Variants in FRAT2 observed in about 807,000 individuals in gnomAD.
FRAT2 encodes GSK-3-binding protein FRAT2.
For synonymous variants in FRAT2, 205 were observed against 171.5 expected, an observed-to-expected ratio of 1.20 and a Z score of -1.53; for missense variants, 326 against 340.8, an observed-to-expected ratio of 0.96 and a Z score of 0.34.
At position 97,334,687 on chromosome 10, in the gene FRAT2, C is replaced by T. The variant is rs1360852321; in HGVS notation, c.-115G>A. On this transcript the variant is annotated 5_prime_UTR_variant, in exon 1 of 1. Transcript: ENST00000371019. ...GGGCGGACGCGGAAGCCGGAGCCCG[C>T]CAGGCACTCGAGCCACGCGCCTGCA... 8.2e-7 allele frequency: 1 copy of T among 1,215,226 alleles called. No individual in the cohort carries two copies. Among genetic ancestry groups the T allele is most frequent in the Non-Finnish European group, 1.0e-6 (1 of 954,778 alleles). 75.3% of individuals were successfully genotyped at this position (1,215,226 alleles called of 1,614,324 possible). A position where few individuals can be genotyped will look rare whatever the true frequency, so the allele number is the denominator to read the frequency against.
In FRAT2 at chr10:97,333,920, C is replaced by T. The variant is rs1843548905; in HGVS notation, c.653G>A (p.Arg218His). Residue 218 changes from arginine (R) to histidine (H), a missense_variant, in exon 1 of 1, where the codon CGC becomes CAC. By Grantham distance (29) the Arg-to-His change is conservative (BLOSUM62 0). Coordinates refer to ENST00000371019, the MANE Select transcript of FRAT2 (RefSeq NM_012083.3). Reference protein sequence around the residue: ...PASAPGPGGGRSGPDRIALQP... With the variant: ...PASAPGPGGGHSGPDRIALQP... ...CAGGGCAATGCGGTCAGGTCCGCTG[C>T]GGCCTCCCCCGGGCCCAGGGGCGCT... 5.1e-6 allele frequency: 8 copies of T among 1,569,732 alleles called. No homozygotes were observed. Among genetic ancestry groups the T allele is most frequent in the Middle Eastern group, 1.7e-4 (1 of 5,726 alleles).
rs1843537944 is a variant in FRAT2, at chr10:97,332,784, G to A, written c.*1087C>T. 6.6e-6 allele frequency: 1 copy of A among 151,928 alleles called. No homozygotes were observed. Among genetic ancestry groups the A allele is most frequent in the South Asian group, 2.1e-4 (1 of 4,770 alleles). 9.4% of individuals were successfully genotyped at this position (151,928 alleles called of 1,614,324 possible). A position where few individuals can be genotyped will look rare whatever the true frequency, so the allele number is the denominator to read the frequency against. On this transcript the variant is annotated 3_prime_UTR_variant, in exon 1 of 1. Transcript: ENST00000371019. ...AAAAGAAGGGCTGGCACGGGAGGAG[G>A]AAATAAATTGTGAGGGTGAGGAGCC...
At position 97,334,484 on chromosome 10, in the gene FRAT2, T is replaced by A; in HGVS notation, c.89A>T (p.Gln30Leu). 2.0e-6 allele frequency: 3 copies of A among 1,493,648 alleles called. No homozygotes were observed. The highest frequency in any genetic ancestry group is 2.7e-6 in the Non-Finnish European group (3 of 1,126,682). 92.5% of individuals were successfully genotyped at this position (1,493,648 alleles called of 1,614,324 possible). The change falls in exon 1 of 1, where the codon CAG becomes CTG. Residue 30 changes from glutamine to leucine, a missense_variant. Transcript: ENST00000371019. ...EEDDSFLLLQQSVTLGSSGEV... is the reference protein window; with the variant it reads ...EEDDSFLLLQLSVTLGSSGEV... ...GCCCGAGCTGCCCAGCGTCACCGAC[T>A]GCTGCAGCAGGAGGAAGCTGTCGTC...
In FRAT2 at chr10:97,333,859, A is replaced by T. The variant is rs1297618926; in HGVS notation, c.*12T>A. 6.7e-7 allele frequency: 1 copy of T among 1,490,998 alleles called. No homozygotes were observed. Among genetic ancestry groups the T allele is most frequent in the Non-Finnish European group, 8.9e-7 (1 of 1,123,234 alleles). 92.4% of individuals were successfully genotyped at this position (1,490,998 alleles called of 1,614,324 possible). On this transcript the variant is annotated 3_prime_UTR_variant, in exon 1 of 1. Transcript: ENST00000371019. ...CGCAGCGGCCTCCACTTCCTCCTCC[A>T]GGAGGCCTGCGTCAGAGCAAGGAGC... is the stretch of plus-strand genomic sequence containing the variant.
chr10:97,333,748 C>A lies in FRAT2; in HGVS notation c.*123G>T. 1 of 1,112,658 alleles carries A rather than the reference C, an allele frequency of 9.0e-7. No homozygotes were observed. Among genetic ancestry groups the A allele is most frequent in the Non-Finnish European group, 1.2e-6 (1 of 837,384 alleles). 68.9% of individuals were successfully genotyped at this position (1,112,658 alleles called of 1,614,324 possible). ...TCTGGTTGAGATCTCTCCCCACGCG[C>A]CTCCCCGCAGCCAAAGTGGTCGCTC... On this transcript the variant is annotated 3_prime_UTR_variant, in exon 1 of 1. Coordinates refer to ENST00000371019, the MANE Select transcript of FRAT2 (RefSeq NM_012083.3).
rs1336390931 is a variant in FRAT2, at chr10:97,332,917, T to A, written c.*954A>T. The A allele has an allele frequency of 6.6e-6, 1 of 152,178 alleles. No homozygotes were observed. The highest frequency in any genetic ancestry group is 1.5e-5 in the Non-Finnish European group (1 of 68,048). The allele number at this position is 152,178 out of a possible 1,614,324, so 9.4% of individuals were successfully genotyped here. On this transcript the variant is annotated 3_prime_UTR_variant, in exon 1 of 1. Transcript: ENST00000371019. Reference sequence around the variant, plus strand: ...ACCAGAAAGGGTGGAATAAGAAAGCTCAGCTGGGAGGACAAGAAAGAGACT... The same window carrying A: ...ACCAGAAAGGGTGGAATAAGAAAGCACAGCTGGGAGGACAAGAAAGAGACT...
At position 97,334,050 on chromosome 10, in the gene FRAT2, G is replaced by GGTC. The variant is rs1275897496; in HGVS notation, c.520_522dup (p.Asp174dup). 22 of 1,595,590 alleles carry GGTC rather than the reference G, an allele frequency of 1.4e-5. No homozygotes were observed. Among genetic ancestry groups the GGTC allele is most frequent in the Non-Finnish European group, 1.7e-5 (20 of 1,178,670 alleles). On this transcript the variant is annotated inframe_insertion, in exon 1 of 1. Transcript: ENST00000371019. ...ACGAGCTGCTGGAGGAGCCGATGCG[G>GGTC]GTCGTCGTCGCCGGCGCGTGCCCCG...
rs1352246864 is a variant in FRAT2 at position 97,333,514 on chromosome 10, C to A, written c.*357G>T. ...AGCCATCGCGATTCCTACCCCTGAG[C>A]CCTCCTTAAACAATCCAAGCTCACG... is the stretch of plus-strand genomic sequence containing the variant. On this transcript the variant is annotated 3_prime_UTR_variant, in exon 1 of 1. Coordinates refer to ENST00000371019, the MANE Select transcript of FRAT2 (RefSeq NM_012083.3). 3.8e-6 allele frequency: 1 copy of A among 265,150 alleles called. No individual in the cohort carries two copies. The highest frequency in any genetic ancestry group is 7.1e-6 in the Non-Finnish European group (1 of 140,976). 16.4% of individuals were successfully genotyped at this position (265,150 alleles called of 1,614,324 possible).
chr10:97,333,762 A>C lies in FRAT2; in HGVS notation c.*109T>G. 1 of 1,241,512 alleles carries C rather than the reference A, an allele frequency of 8.1e-7. No homozygotes were observed. Among genetic ancestry groups the C allele is most frequent in the East Asian group, 3.0e-5 (1 of 33,508 alleles). 76.9% of individuals were successfully genotyped at this position (1,241,512 alleles called of 1,614,324 possible). On this transcript the variant is annotated 3_prime_UTR_variant, in exon 1 of 1. Transcript: ENST00000371019. ...CTCCCCACGCGCCTCCCCGCAGCCA[A>C]AGTGGTCGCTCCCAGGCTGGCGACG...
chr10:97,334,372 C>G lies in FRAT2; in HGVS notation c.201G>C (p.Pro67=). Residue 67 remains proline (P), a synonymous_variant, in exon 1 of 1, where the codon CCG becomes CCC. Coordinates refer to ENST00000371019, the MANE Select transcript of FRAT2 (RefSeq NM_012083.3). The stretch of plus-strand genomic sequence containing the variant: ...GCCCCGGGGCCCGCAGCGGCACCCC[C>G]GGGGGCGCGCACGGCGAGGCCGGGC... ...QDSPASPCAP[P]GVPLRAPGPL... 1 of 1,238,914 alleles carries G rather than the reference C, an allele frequency of 8.1e-7. No homozygotes were observed. Among genetic ancestry groups the G allele is most frequent in the Non-Finnish European group, 1.0e-6 (1 of 991,026 alleles). The allele number at this position is 1,238,914 out of a possible 1,614,324, so 76.7% of individuals were successfully genotyped here.
In FRAT2 at chr10:97,334,555, C is replaced by T. The variant is rs911331070; in HGVS notation, c.18G>A (p.Glu6=). The change falls in exon 1 of 1, where the codon GAG becomes GAA. Residue 6 remains glutamate, a synonymous_variant. Transcript: ENST00000371019. MPCRR[E]EEEEAGEEAE... is the part of the protein sequence containing the mutation. The stretch of plus-strand genomic sequence containing the variant: ...CCTCCTCGCCGGCTTCCTCTTCCTC[C>T]TCCCTCCGGCACGGCATGGCCCCCC... The T allele has an allele frequency of 2.7e-6, 4 of 1,470,304 alleles. No homozygotes were observed. In the African/African-American group the frequency reaches 4.4e-5, roughly 16 times the overall value. 91.1% of individuals were successfully genotyped at this position (1,470,304 alleles called of 1,614,324 possible). A position where few individuals can be genotyped will look rare whatever the true frequency, so the allele number is the denominator to read the frequency against.
Position 97,334,058 on chromosome 10 carries a change from TCGCCGG to T in FRAT2, c.509_514del (p.Ala170_Gly171del). On this transcript the variant is annotated inframe_deletion, in exon 1 of 1. Transcript: ENST00000371019. ...CTGGAGGAGCCGATGCGGGTCGTCG[TCGCCGG>T]CGCGTGCCCCGGCTTGGGTCCATCG... is the stretch of plus-strand genomic sequence containing the variant. The T allele has an allele frequency of 6.3e-7, 1 of 1,595,148 alleles. No individual in the cohort carries two copies. The highest frequency in any genetic ancestry group is 8.5e-7 in the Non-Finnish European group (1 of 1,178,502).
rs1843560797 is a variant in FRAT2 at position 97,334,622 on chromosome 10, G to T, written c.-50C>A. The stretch of plus-strand genomic sequence containing the variant: ...CTGTGCGGGCTTCGCTGGGGGCTTG[G>T]TTGCCCGCGGGCGCGGAGCTGCGGG... On this transcript the variant is annotated 5_prime_UTR_variant, in exon 1 of 1. Transcript: ENST00000371019. 2 of 1,314,502 alleles carry T rather than the reference G, an allele frequency of 1.5e-6. No individual in the cohort carries two copies. Among genetic ancestry groups the T allele is most frequent in the Non-Finnish European group, 1.9e-6 (2 of 1,028,004 alleles). 81.4% of individuals were successfully genotyped at this position (1,314,502 alleles called of 1,614,324 possible).
rs181573119 is a variant in FRAT2, at chr10:97,334,326, C to G, written c.247G>C (p.Ala83Pro). ...APGPLAAAVP[A>P]DKARPPAVPL... ...ACCGCCGGGGGCCGGGCCTTGTCCG[C>G]CGGCACCGCCGCAGCCAGGGGCCCC... Residue 83 changes from alanine to proline, a missense_variant, in exon 1 of 1, where the codon GCG (alanine) becomes CCG (proline). Ala to Pro is a conservative substitution (Grantham distance 27). Coordinates refer to ENST00000371019, the MANE Select transcript of FRAT2 (RefSeq NM_012083.3). The G allele has an allele frequency of 6.9e-6, 8 of 1,153,686 alleles. 1 individual carries two copies. In the Admixed American group the frequency reaches 3.8e-4, roughly 55 times the overall value. The allele number at this position is 1,153,686 out of a possible 1,614,324, so 71.5% of individuals were successfully genotyped here.
In FRAT2 at chr10:97,333,757, A is replaced by T. The variant is rs1843546801; in HGVS notation, c.*114T>A. On this transcript the variant is annotated 3_prime_UTR_variant, in exon 1 of 1. Transcript: ENST00000371019. ...GATCTCTCCCCACGCGCCTCCCCGCAGCCAAAGTGGTCGCTCCCAGGCTGG... is the reference window on the plus strand; with the variant it reads ...GATCTCTCCCCACGCGCCTCCCCGCTGCCAAAGTGGTCGCTCCCAGGCTGG... The T allele has an allele frequency of 1.7e-6, 2 of 1,201,554 alleles. No individual in the cohort carries two copies. Among genetic ancestry groups the T allele is most frequent in the African/African-American group, 1.6e-5 (1 of 63,010 alleles). 74.4% of individuals were successfully genotyped at this position (1,201,554 alleles called of 1,614,324 possible).
chr10:97,333,730 G>A lies in FRAT2; in HGVS notation c.*141C>T, dbSNP rs1191599173. 4 of 900,750 alleles carry A rather than the reference G, an allele frequency of 4.4e-6. No homozygotes were observed. The highest frequency in any genetic ancestry group is 4.6e-6 in the Non-Finnish European group (3 of 649,468). 55.8% of individuals were successfully genotyped at this position (900,750 alleles called of 1,614,324 possible). ...GCCGCGGCTGGTAACTTCTCTGGTT[G>A]AGATCTCTCCCCACGCGCCTCCCCG... is the stretch of plus-strand genomic sequence containing the variant. On this transcript the variant is annotated 3_prime_UTR_variant, in exon 1 of 1. Coordinates refer to ENST00000371019, the MANE Select transcript of FRAT2 (RefSeq NM_012083.3).
In FRAT2 at chr10:97,333,986, A is replaced by G. The variant is rs1253546916; in HGVS notation, c.587T>C (p.Leu196Pro). ...TGCAACCGCGGCGACGGCTCGTTGG[A>G]GTCTCCGCACGGCTTCCTTGATGAG... ...GNLIKEAVRR[L>P]QRAVAAVAAT... Residue 196 changes from leucine to proline, a missense_variant, in exon 1 of 1, where the codon CTC (leucine) becomes CCC (proline). Physicochemically the swap from Leu to Pro is moderately conservative, Grantham distance 98. Transcript: ENST00000371019. The G allele has an allele frequency of 6.3e-7, 1 of 1,588,366 alleles. No homozygotes were observed. Among genetic ancestry groups the G allele is most frequent in the Non-Finnish European group, 8.5e-7 (1 of 1,175,230 alleles).
In FRAT2 at chr10:97,333,220, T is replaced by C. The variant is rs1467884951; in HGVS notation, c.*651A>G. On this transcript the variant is annotated 3_prime_UTR_variant, in exon 1 of 1. Transcript: ENST00000371019. ...GAACACAGATGGCAAGGTCAAGTCA[T>C]TTACAAGTCCACATTCAAATCCAAA... 6.6e-6 allele frequency: 1 copy of C among 152,174 alleles called. No homozygotes were observed. Among genetic ancestry groups the C allele is most frequent in the Non-Finnish European group, 1.5e-5 (1 of 68,046 alleles). The allele number at this position is 152,174 out of a possible 1,614,324, so 9.4% of individuals were successfully genotyped here.
In FRAT2 at chr10:97,334,308, G is replaced by T; in HGVS notation, c.265C>A (p.Pro89Thr). The change falls in exon 1 of 1, where the codon CCG (proline) becomes ACG (threonine). Residue 89 changes from proline (P) to threonine (T), a missense_variant. Transcript: ENST00000371019. ...AAVPADKARP[P>T]AVPLLLPPAS... is the part of the protein sequence containing the mutation. ...GGCGGCAGCAGCAGCGGCACCGCCG[G>T]GGGCCGGGCCTTGTCCGCCGGCACC... 1 of 1,136,100 alleles carries T rather than the reference G, an allele frequency of 8.8e-7. No homozygotes were observed. 70.4% of individuals were successfully genotyped at this position (1,136,100 alleles called of 1,614,324 possible). A position where few individuals can be genotyped will look rare whatever the true frequency, so the allele number is the denominator to read the frequency against.
Sources: gnomAD v4.1 joint callset for allele counts on GRCh38, gnomAD v4.1.1 for gene constraint, MANE v1.5 for transcripts, NCBI Gene and HGNC (gene_info 2026-07-23, HGNC 2026-07-21) for gene names.